Variants in TEKT1 observed in about 807,000 individuals in gnomAD.
TEKT1 encodes tektin 1.
Under a neutral mutation model 34.8 loss-of-function variants are expected in TEKT1, and 32 were observed. The ratio of observed to expected loss-of-function variants is 0.92; its 90% CI spans 0.69 to 1.23. The LOEUF (loss-of-function observed/expected upper bound fraction) is 1.23, where lower values mean the gene tolerates loss of function less well. Ranked by LOEUF, TEKT1 falls within the 50% of genes most tolerant of loss-of-function variation. TEKT1 has a pLI of 0.00. For synonymous variants in TEKT1, 207 were observed against 199.8 expected (o/e 1.04, Z -0.30); for missense variants, 492 against 518.5 (o/e 0.95, Z 0.50).
At chr17:6,809,736 T>C (rs1383286802) in intron 6 of TEKT1, among the ~76,000 whole-genome samples, 2 of 152,258 alleles carry the variant, frequency 1.3e-5, no homozygotes, top group African/African-American at 2.4e-5. Context: ...GTTGGACTTA[T>C]GATTCATATC....
intron 6 of TEKT1, among the ~76,000 whole-genome samples, chr17:6,810,041 T>A (rs969224858): frequency 6.6e-6 from 1 of 152,216 alleles, no homozygotes; most frequent in Admixed American, 6.5e-5. Flanking sequence ...AGTATATGTT[T>A]AGCCTTGTAA....
At chr17:6,804,894 T>G (rs905782251) in intron 6 of TEKT1, among the ~76,000 whole-genome samples, 2 of 152,242 alleles carry the variant, frequency 1.3e-5, no homozygotes, top group African/African-American at 4.8e-5. Flanking sequence ...TGCATCAATG[T>G]TCATCAGGGA....
intron 6 of TEKT1, among the ~76,000 whole-genome samples, chr17:6,805,628 A>G (rs1976833338): frequency 6.6e-6 from 1 of 152,146 alleles, no homozygotes; most frequent in South Asian, 2.1e-4. Flanking sequence ...CCCTCTACAC[A>G]CTGCTTCGAA....
In TEKT1 at chr17:6,819,645, G is replaced by T. The variant is rs149203282; in HGVS notation, c.191-287C>A. 2.9e-3 allele frequency among the ~76,000 whole-genome samples: 441 copies of T among 152,274 alleles called. 3 individuals carry two copies. The highest frequency in any genetic ancestry group is 0.01 in the African/African-American group (419 of 41,548). On this transcript the variant is annotated intron_variant, in intron 2 of 7. Coordinates refer to ENST00000338694, the MANE Select transcript of TEKT1 (RefSeq NM_053285.2). ...TTTATCAAAGATATAAATGTGTGTT[G>T]TTAGAAAAGTCAAATAGTATCACAA...
chr17:6,820,874 TAA>T (rs1977078154), intron 2 of TEKT1, among the ~76,000 whole-genome samples: 1 of 152,212 alleles, frequency 6.6e-6, no homozygotes, highest in Non-Finnish European at 1.5e-5. Context: ...GCATGTGAGG[TAA>T]AGTTTTTGAA....
chr17:6,826,629 TA>T (rs942651842), intron 2 of TEKT1, among the ~76,000 whole-genome samples: 4 of 140,850 alleles, frequency 2.8e-5, no homozygotes, highest in Non-Finnish European at 6.5e-5. Context: ...GATAGATAGA[TA>T]GATAGATAGA....
At chr17:6,829,925 T>C (rs1370768264) in intron 2 of TEKT1, among the ~76,000 whole-genome samples, 1 of 152,202 alleles carries the variant, frequency 6.6e-6, no homozygotes, top group Non-Finnish European at 1.5e-5. Flanking sequence ...ATATGCCTAG[T>C]GTGTAGTACA....
intron 6 of TEKT1, among the ~76,000 whole-genome samples, chr17:6,806,611 G>T (rs1976848143): frequency 6.6e-6 from 1 of 152,198 alleles, no homozygotes; most frequent in African/African-American, 2.4e-5. Context: ...GGTACCAGTT[G>T]TTCCTTTCCA....
At position 6,815,190 on chromosome 17, in the gene TEKT1, G is replaced by T; in HGVS notation, c.602C>A (p.Ser201Tyr). The T allele has an allele frequency of 6.2e-7, 1 of 1,613,970 alleles. No homozygotes were observed. The highest frequency in any genetic ancestry group is 8.5e-7 in the Non-Finnish European group (1 of 1,179,912). Residue 201 changes from serine to tyrosine, a missense_variant, in exon 5 of 8, where the codon TCT becomes TAT. By Grantham distance (144) the Ser-to-Tyr change is moderately radical (BLOSUM62 -2). Transcript: ENST00000338694. ...TGGCTCAATCCTCACGGCGTTCTCA[G>T]AATATCTGATGTTTGGTGAGTTGTT... ...LNNNSPNIRYSENAVRIEPNS... is the reference protein window; with the variant it reads ...LNNNSPNIRYYENAVRIEPNS...
intron 2 of TEKT1, among the ~76,000 whole-genome samples, chr17:6,824,221 T>C (rs906888995): frequency 5.9e-5 from 9 of 152,200 alleles, no homozygotes; most frequent in Non-Finnish European, 7.3e-5. Context: ...CTTCAACTCA[T>C]GTGCCCTTTT....
chr17:6,822,847 G>A (rs958296451), intron 2 of TEKT1, among the ~76,000 whole-genome samples: 1 of 152,160 alleles, frequency 6.6e-6, no homozygotes, highest in Non-Finnish European at 1.5e-5. Flanking sequence ...ATGCTAAAGT[G>A]CTACCTGGAA....
chr17:6,815,832 AC>A lies in TEKT1; in HGVS notation c.485+1del. Reference sequence around the variant, plus strand: ...TTTGGAGGGCAGGCCGAAGAGTCATACCGAATCTGCTCGGAAGCCTCCTCCA... The same window carrying A: ...TTTGGAGGGCAGGCCGAAGAGTCATACGAATCTGCTCGGAAGCCTCCTCCA... On this transcript the variant is annotated splice_donor_variant, in intron 4 of 7. Transcript: ENST00000338694. LOFTEE classifies it high-confidence loss of function. 6.2e-7 allele frequency: 1 copy of A among 1,614,120 alleles called. No individual in the cohort carries two copies.
intron 6 of TEKT1, among the ~76,000 whole-genome samples, chr17:6,804,493 T>C (rs377556923): frequency 7.9e-5 from 12 of 152,106 alleles, no homozygotes; most frequent in East Asian, 3.9e-4. Context: ...ACTTCCAACA[T>C]TATGTTGAAT....
intron 6 of TEKT1, 52 bp from the exon 7 acceptor site, chr17:6,800,995 A>C: frequency 6.6e-7 from 1 of 1,515,868 alleles, no homozygotes; most frequent in Non-Finnish European, 9.0e-7. Context: ...CTCAAAACTC[A>C]ACAGCTGACA....
chr17:6,808,436 G>A (rs8068958), intron 6 of TEKT1, among the ~76,000 whole-genome samples: 1 of 151,994 alleles, frequency 6.6e-6, no homozygotes, highest in East Asian at 2.0e-4. Flanking sequence ...ATGCCTCACC[G>A]TGCTTCGGCT....
At position 6,800,840 on chromosome 17, in the gene TEKT1, G is replaced by A. The variant is rs551349423; in HGVS notation, c.956C>T (p.Thr319Ile). ...CTCCACGTTCGGCCGGTGTGTCCTG[G>A]TCTCCAAGCGCGTATGAGCCACCTT... is the stretch of plus-strand genomic sequence containing the variant. Reference protein sequence around the residue: ...PAKVAHTRLETRTHRPNVELC... With the variant: ...PAKVAHTRLEIRTHRPNVELC... Residue 319 changes from threonine to isoleucine, a missense_variant, in exon 7 of 8, where the codon ACC becomes ATC. By Grantham distance (89) the Thr-to-Ile change is moderately conservative. Transcript: ENST00000338694. 6 of 1,614,140 alleles carry A rather than the reference G, an allele frequency of 3.7e-6. No individual in the cohort carries two copies. In the East Asian group the frequency reaches 1.1e-4, roughly 30 times the overall value.
In TEKT1 at chr17:6,816,055, G is replaced by A. The variant is rs918017412; in HGVS notation, c.357-93C>T. The A allele has an allele frequency of 4.8e-5, 73 of 1,523,644 alleles. 1 individual carries two copies. Among genetic ancestry groups the A allele is most frequent in the South Asian group, 9.9e-5 (8 of 80,918 alleles). 94.4% of individuals were successfully genotyped at this position (1,523,644 alleles called of 1,614,324 possible). On this transcript the variant is annotated intron_variant, in intron 3 of 7. Transcript: ENST00000338694. ...GCTGCACACTCAGAACTATCTGCAC[G>A]ACTGATTTGAGTGTCACCCGATCCA...
chr17:6,817,774 G>C (rs1176901611), intron 3 of TEKT1, among the ~76,000 whole-genome samples: 1 of 152,154 alleles, frequency 6.6e-6, no homozygotes. Flanking sequence ...TAAAATGGGG[G>C]TAATTATTAG....
At chr17:6,818,520 C>T (rs763364705) in intron 3 of TEKT1, among the ~76,000 whole-genome samples, 1 of 152,190 alleles carries the variant, frequency 6.6e-6, no homozygotes, top group Non-Finnish European at 1.5e-5. Context: ...ATGGGAGAGA[C>T]ATACTGTCCC....
Sources: allele counts gnomAD v4.1 joint callset (sites outside exome capture counted in the v4.1 genomes callset), GRCh38; gene constraint gnomAD v4.1.1; transcripts MANE v1.5; gene names NCBI Gene and HGNC (gene_info 2026-07-23, HGNC 2026-07-21).